The following KIT variants were observed in gnomAD, a reference collection of about 807,000 sequenced individuals.
KIT encodes KIT proto-oncogene, receptor tyrosine kinase.
A neutral mutation model predicts 105.7 loss-of-function variants in KIT; 16 were observed. The observed-to-expected ratio is 0.15, with a 90% CI of 0.10 to 0.23. KIT has a LOEUF of 0.23. Ranked by LOEUF, KIT falls within the 10% of genes least tolerant of loss-of-function variation. The probability of loss-of-function intolerance (pLI) is 1.00; values close to 1 mark genes in which losing one functional copy is unlikely to be tolerated. For missense variants in KIT, 858 were observed against 1,213.8 expected (o/e 0.71, Z 4.36); for synonymous variants, 438 against 441.1 (o/e 0.99, Z 0.09).
intron 7 of KIT, among the ~76,000 whole-genome samples, chr4:54,720,072 C>T (rs771102386): frequency 3.3e-5 from 5 of 152,058 alleles, no homozygotes; most frequent in Admixed American, 6.6e-5. Context: ...TATTTTTATG[C>T]CCTGGGTGCT....
At chr4:54,721,422 T>G (rs551073154) in intron 7 of KIT, among the ~76,000 whole-genome samples, 56 of 152,236 alleles carry the variant, frequency 3.7e-4, no homozygotes, top group Admixed American at 1.3e-4. Flanking sequence ...CCATGATAAT[T>G]AAATGAAACT....
rs548166701 is a variant in KIT at position 54,688,234 on chromosome 4, C to T, written c.68-7278C>T. ...GTTGTGGGCGATTACTGGGATCCTT[C>T]CATCATGGTTTTCATCCAGTTTATT... On this transcript the variant is annotated intron_variant, in intron 1 of 20. Coordinates refer to ENST00000288135, the MANE Select transcript of KIT (RefSeq NM_000222.3). 4.6e-5 allele frequency among the ~76,000 whole-genome samples: 7 copies of T among 152,258 alleles called. No homozygotes were observed. In the South Asian group the frequency reaches 1.5e-3, roughly 32 times the overall value.
At chr4:54,719,276 C>T (rs1367324337) in intron 7 of KIT, among the ~76,000 whole-genome samples, 4 of 152,190 alleles carry the variant, frequency 2.6e-5, no homozygotes, top group African/African-American at 9.7e-5. Context: ...CCCCTTCTAC[C>T]ATTGGCTTGT....
At chr4:54,704,493 T>C (rs1266860884) in intron 5 of KIT, among the ~76,000 whole-genome samples, 2 of 152,098 alleles carry the variant, frequency 1.3e-5, no homozygotes, top group African/African-American at 4.8e-5. Context: ...TACAACATGG[T>C]AATCTGTCCC....
chr4:54,679,780 G>A lies in KIT; in HGVS notation c.68-15732G>A, dbSNP rs192620590. ...AATAATATTAATAAAATGTCAAGACGAATGGATAAACAAAAATATAGCATA... is the reference window on the plus strand; with the variant it reads ...AATAATATTAATAAAATGTCAAGACAAATGGATAAACAAAAATATAGCATA... On this transcript the variant is annotated intron_variant, in intron 1 of 20. Transcript: ENST00000288135. Among the ~76,000 whole-genome samples the A allele has an allele frequency of 7.2e-5, 11 of 152,254 alleles. No individual in the cohort carries two copies. In the East Asian group the frequency reaches 1.2e-3, roughly 16 times the overall value.
intron 1 of KIT, among the ~76,000 whole-genome samples, chr4:54,692,582 A>C (rs759401401): frequency 1.3e-5 from 2 of 152,216 alleles, no homozygotes; most frequent in Non-Finnish European, 2.9e-5. Context: ...TATTGGGTCA[A>C]ATTTGCTATC....
intron 1 of KIT, among the ~76,000 whole-genome samples, chr4:54,661,221 AC>A (rs1458995475): frequency 6.6e-6 from 1 of 152,172 alleles, no homozygotes; most frequent in Admixed American, 6.6e-5. Flanking sequence ...TTGGCTATTT[AC>A]CCTGGATAGC....
intron 1 of KIT, among the ~76,000 whole-genome samples, chr4:54,661,309 A>G (rs146369014): frequency 5.3e-5 from 8 of 152,344 alleles, no homozygotes; most frequent in Middle Eastern, 3.4e-3. Context: ...AAATGTGCCA[A>G]GTATTCTGCG....
At chr4:54,704,018 T>C (rs1368532212) in intron 5 of KIT, 126 bp downstream of exon 5, 9 of 879,906 alleles carry the variant, frequency 1.0e-5, no homozygotes, top group Middle Eastern at 2.6e-4. Context: ...ACTGAATGAA[T>C]GAAAATTATC....
At chr4:54,669,539 C>T (rs184384837) in intron 1 of KIT, among the ~76,000 whole-genome samples, 1 of 152,132 alleles carries the variant, frequency 6.6e-6, no homozygotes, top group African/African-American at 2.4e-5. Flanking sequence ...TATCTTTAAT[C>T]TGCCCTTATA....
intron 1 of KIT, among the ~76,000 whole-genome samples, chr4:54,674,641 C>T (rs1238641093): frequency 2.6e-5 from 4 of 152,182 alleles, no homozygotes; most frequent in Non-Finnish European, 5.9e-5. Context: ...TCAGAGGTAG[C>T]TGCTTTTCAA....
chr4:54,726,081 A>G (rs1369695408), intron 9 of KIT, 31 bp downstream of exon 9: 1 of 1,548,316 alleles, frequency 6.5e-7, no homozygotes, highest in Non-Finnish European at 8.9e-7. Flanking sequence ...ATTTAAGGGG[A>G]TGTTTAGGCT....
chr4:54,735,804 G>T (rs1194052237), intron 17 of KIT, among the ~76,000 whole-genome samples: 1 of 152,194 alleles, frequency 6.6e-6, no homozygotes, highest in East Asian at 1.9e-4. Flanking sequence ...AGAAGTCTAG[G>T]AGTAGACTTT....
chr4:54,724,730 A>G (rs1159254048), intron 8 of KIT, among the ~76,000 whole-genome samples: 1 of 152,086 alleles, frequency 6.6e-6, no homozygotes, highest in Non-Finnish European at 1.5e-5. Context: ...CATAAAATAT[A>G]GTAACACTAA....
Position 54,695,785 on chromosome 4 carries a change from A to C in KIT, c.337+4A>C. ...TCCATTTATGTGTTTGTTAGAGGTA[A>C]ATGCTTGGCTTTCTGCAGTGCTGTG... is the stretch of plus-strand genomic sequence containing the variant. On this transcript the variant is annotated splice_donor_region_variant and intron_variant, in intron 2 of 20. Transcript: ENST00000288135. 6.2e-7 allele frequency: 1 copy of C among 1,614,200 alleles called. No homozygotes were observed. Among genetic ancestry groups the C allele is most frequent in the South Asian group, 1.1e-5 (1 of 91,084 alleles).
At chr4:54,676,043 A>G (rs1718440769) in intron 1 of KIT, among the ~76,000 whole-genome samples, 1 of 152,204 alleles carries the variant, frequency 6.6e-6, no homozygotes, top group Admixed American at 6.5e-5. Flanking sequence ...TTCTAGGTGT[A>G]AAAGCCAGGC....
intron 1 of KIT, among the ~76,000 whole-genome samples, chr4:54,678,345 C>G: frequency 1.0e-5 from 1 of 99,562 alleles, no homozygotes; most frequent in East Asian, 2.8e-4. Context: ...TCCTTCCTTC[C>G]TTCCTTCCCT....
intron 4 of KIT, among the ~76,000 whole-genome samples, chr4:54,702,899 T>G (rs1273256326): frequency 6.6e-6 from 1 of 152,192 alleles, no homozygotes; most frequent in African/African-American, 2.4e-5. Flanking sequence ...TTACTTTAAT[T>G]GGTTGTTTTT....
chr4:54,665,627 G>T (rs1577910281), intron 1 of KIT, among the ~76,000 whole-genome samples: 2 of 152,266 alleles, frequency 1.3e-5, no homozygotes, highest in East Asian at 3.9e-4. Context: ...CATGGGTGTA[G>T]GTAACTGGGA....
Sources: allele counts gnomAD v4.1 joint callset (sites outside exome capture counted in the v4.1 genomes callset), GRCh38; gene constraint gnomAD v4.1.1; transcripts MANE v1.5; gene names NCBI Gene and HGNC (gene_info 2026-07-23, HGNC 2026-07-21).